C1GALT1: variants seen among roughly 807,000 people sequenced by gnomAD.
The protein encoded by C1GALT1 is core 1 synthase, glycoprotein-N-acetylgalactosamine 3-beta-galactosyltransferase 1.
Under a neutral mutation model 31.0 loss-of-function variants are expected in C1GALT1, and 11 were observed. The observed-to-expected ratio is 0.36, with a 90% CI of 0.22 to 0.59. The LOEUF (loss-of-function observed/expected upper bound fraction) is 0.59. C1GALT1 is among the 20% of genes least tolerant of loss of function. The pLI, the probability that C1GALT1 is intolerant of heterozygous loss-of-function variation, is 0.79. For missense variants in C1GALT1, 424 were observed against 425.2 expected, an observed-to-expected ratio of 1.00 and a Z score of 0.03; for synonymous variants, 175 against 143.6, an observed-to-expected ratio of 1.22 and a Z score of -1.56.
intron 1 of C1GALT1, among the ~76,000 whole-genome samples, chr7:7,227,176 A>G (rs1361860653): frequency 6.6e-6 from 1 of 152,198 alleles, no homozygotes; most frequent in Admixed American, 6.5e-5. Context: ...AAATAAATCT[A>G]ATATGTTAAT....
Position 7,238,382 on chromosome 7 carries a change from C to A in C1GALT1, c.348C>A (p.Asn116Lys). 1 of 1,614,060 alleles carries A rather than the reference C, an allele frequency of 6.2e-7. No individual in the cohort carries two copies. Among genetic ancestry groups the A allele is most frequent in the Non-Finnish European group, 8.5e-7 (1 of 1,180,004 alleles). ...AAGCTACTTGGGCCCAGCGTTGTAA[C>A]AAAGTGTTGTTTATGAGTTCAGAAG... ...HVKATWAQRCNKVLFMSSEEN... is the reference protein window; with the variant it reads ...HVKATWAQRCKKVLFMSSEEN... The change falls in exon 3 of 4, where the codon AAC becomes AAA. Residue 116 changes from asparagine to lysine, a missense_variant. Around this residue, in one of 3 missense-constraint regions of C1GALT1, gnomAD observed 189 missense variants for 158.2 expected, o/e 1.19. Transcript: ENST00000436587. The surrounding 1 kb of genome is among the most constrained non-coding windows in gnomAD (Gnocchi z 5.2).
At chr7:7,239,173 A>G (rs2128251489) in intron 3 of C1GALT1, among the ~76,000 whole-genome samples, 1 of 152,348 alleles carries the variant, frequency 6.6e-6, no homozygotes, top group Non-Finnish European at 1.5e-5. Context: ...ATCACAGCCA[A>G]TTTCCAGTTC....
intron 1 of C1GALT1, among the ~76,000 whole-genome samples, chr7:7,224,993 G>A (rs1782689155): frequency 6.6e-6 from 1 of 151,956 alleles, no homozygotes; most frequent in Non-Finnish European, 1.5e-5. Flanking sequence ...AGTTTCTGGT[G>A]TCTGTTATTC....
At chr7:7,183,765 C>T (rs1448206414) in intron 1 of C1GALT1, among the ~76,000 whole-genome samples, 1 of 150,598 alleles carries the variant, frequency 6.6e-6, no homozygotes, top group Non-Finnish European at 1.5e-5. Flanking sequence ...TAACCTAGTT[C>T]TCTATATCCA....
intron 2 of C1GALT1, among the ~76,000 whole-genome samples, chr7:7,175,815 T>C (rs1780499654): frequency 6.6e-6 from 1 of 152,190 alleles, no homozygotes; most frequent in Non-Finnish European, 1.5e-5. Flanking sequence ...GGCTTTTTTT[T>C]TTCTGGTTTA....
At chr7:7,233,654 G>A (rs556359960) in intron 1 of C1GALT1, among the ~76,000 whole-genome samples, 46 of 152,254 alleles carry the variant, frequency 3.0e-4, no homozygotes, top group African/African-American at 7.9e-4. Context: ...TGCTGTTTTA[G>A]GGCAAAAGTA....
chr7:7,228,410 C>T (rs2128245976), intron 1 of C1GALT1, among the ~76,000 whole-genome samples: 1 of 152,278 alleles, frequency 6.6e-6, no homozygotes, highest in South Asian at 2.1e-4. Context: ...TTTGGAAGCA[C>T]TTGGCATAAA....
upstream of C1GALT1, among the ~76,000 whole-genome samples, chr7:7,179,573 G>A (rs1780546283): frequency 6.6e-6 from 1 of 152,050 alleles, no homozygotes. Flanking sequence ...TCTATATATA[G>A]TGCTAAATAA....
At chr7:7,215,303 C>G (rs1488507062) in intron 1 of C1GALT1, among the ~76,000 whole-genome samples, 2 of 152,168 alleles carry the variant, frequency 1.3e-5, no homozygotes, top group Non-Finnish European at 2.9e-5. Flanking sequence ...TTGTTTATAA[C>G]TGAAGACCAA....
intron 1 of C1GALT1, among the ~76,000 whole-genome samples, chr7:7,192,516 G>A (rs1034343293): frequency 6.6e-6 from 1 of 152,052 alleles, no homozygotes; most frequent in African/African-American, 2.4e-5. Flanking sequence ...GTGTGTGTGT[G>A]TATATTATAC....
At chr7:7,198,434 G>T (rs537174161) in intron 1 of C1GALT1, among the ~76,000 whole-genome samples, 10 of 152,212 alleles carry the variant, frequency 6.6e-5, no homozygotes, top group South Asian at 2.1e-4. Flanking sequence ...ATTCAGTTTG[G>T]CAGTATTTTA....
chr7:7,243,457 A>C, intron 3 of C1GALT1, 67 bp from the exon 4 acceptor site: 1 of 1,262,660 alleles, frequency 7.9e-7, no homozygotes, highest in South Asian at 1.5e-5. Context: ...GTCCTTTATA[A>C]GTATGTAAAT....
chr7:7,187,874 C>G (rs1283799075), intron 1 of C1GALT1, among the ~76,000 whole-genome samples: 1 of 152,132 alleles, frequency 6.6e-6, no homozygotes, highest in African/African-American at 2.4e-5. Context: ...TGGACAGGCT[C>G]TAGGTCATAG....
upstream of C1GALT1, among the ~76,000 whole-genome samples, chr7:7,177,644 C>T (rs553120367): frequency 3.3e-5 from 5 of 152,300 alleles, no homozygotes; most frequent in African/African-American, 1.2e-4. Context: ...CTGCCATACT[C>T]TTAAATCCAA....
chr7:7,194,355 C>G (rs1781198359), intron 1 of C1GALT1, among the ~76,000 whole-genome samples: 1 of 152,014 alleles, frequency 6.6e-6, no homozygotes. Context: ...CCTTTCTATG[C>G]CAATTTTGCT....
At chr7:7,227,719 CAAAAAAAA>C (rs57031681) in intron 1 of C1GALT1, among the ~76,000 whole-genome samples, 1 of 119,096 alleles carries the variant, frequency 8.4e-6, no homozygotes, top group African/African-American at 2.9e-5. Flanking sequence ...GACTCCGTCT[CAAAAAAAA>C]AAAAAAAAGG....
Position 7,173,324 on chromosome 7 carries a change from A to G in C1GALT1, c.-18+15898A>G, listed in dbSNP as rs566627959. 9.9e-4 allele frequency among the ~76,000 whole-genome samples: 151 copies of G among 152,006 alleles called. 1 individual carries two copies. The highest frequency in any genetic ancestry group is 3.5e-3 in the African/African-American group (145 of 41,472). On this transcript the variant is annotated intron_variant, in intron 2 of 3. Coordinates refer to the C1GALT1 transcript ENST00000429911. ...CCCTTCACCTTCTGCCATGATTGCA[A>G]GCTTCCTGAGGATTCCCTGGAAGCC...
chr7:7,209,812 G>A (rs1215706252), intron 1 of C1GALT1, among the ~76,000 whole-genome samples: 2 of 152,206 alleles, frequency 1.3e-5, no homozygotes, highest in Admixed American at 1.3e-4. Context: ...GTGCAGGCGG[G>A]CTGAGTGCGA....
At position 7,233,952 on chromosome 7, in the gene C1GALT1, A is replaced by G. The variant is rs540283996; in HGVS notation, c.-17-351A>G. ...AGGGGTGGTGGTTGCTACCAGAGAA[A>G]AAGAAGTAGACTTCCGTACTCAGAG... On this transcript the variant is annotated intron_variant, in intron 1 of 3. Coordinates refer to ENST00000436587, the MANE Select transcript of C1GALT1 (RefSeq NM_020156.5). 4.6e-5 allele frequency among the ~76,000 whole-genome samples: 7 copies of G among 151,162 alleles called. No homozygotes were observed. The East Asian group carries it at 1.2e-3, about 26-fold the overall frequency.
Sources: gnomAD v4.1 joint callset for allele counts (sites outside exome capture counted in the v4.1 genomes callset) on GRCh38, gnomAD v4.1.1 for gene constraint, gnomAD v4.1.1 regional missense constraint, Gnocchi (gnomAD v3.1) non-coding constraint, MANE v1.5 for transcripts, NCBI Gene and HGNC (gene_info 2026-07-23, HGNC 2026-07-21) for gene names.